Variants in CSMD1 observed in about 807,000 individuals in gnomAD.
CSMD1 encodes CUB and sushi domain-containing protein 1.
Under a neutral mutation model 417.5 loss-of-function variants are expected in CSMD1, and 213 were observed. The ratio of observed to expected loss-of-function variants is 0.51; its 90% CI spans 0.46 to 0.57. The LOEUF is 0.57. Ranked by LOEUF, CSMD1 falls within the 20% of genes least tolerant of loss-of-function variation. CSMD1 has a pLI of 0.00. For synonymous variants in CSMD1, 2,862 were observed against 1,736.8 expected (o/e 1.65, Z -16.11); for missense variants, 6,923 against 4,529.7 (o/e 1.53, Z -15.17).
chr8:4,289,724 G>A (rs568473654), intron 3 of CSMD1, among the ~76,000 whole-genome samples: 9 of 152,264 alleles, frequency 5.9e-5, no homozygotes, highest in African/African-American at 2.2e-4. Flanking sequence ...CTGAGATTTT[G>A]CTACTGGGTA....
At chr8:4,307,704 G>C (rs750174432) in intron 3 of CSMD1, among the ~76,000 whole-genome samples, 2 of 152,138 alleles carry the variant, frequency 1.3e-5, no homozygotes, top group South Asian at 2.1e-4. Flanking sequence ...CGAACAGCAC[G>C]ATGCTCTTGA....
chr8:4,044,838 G>T (rs145163006), intron 3 of CSMD1, among the ~76,000 whole-genome samples: 1 of 117,458 alleles, frequency 8.5e-6, no homozygotes, highest in South Asian at 3.0e-4. Context: ...AGCACCCCAG[G>T]CTTGTACCAT....
chr8:3,005,995 G>A (rs1377748205), intron 52 of CSMD1, among the ~76,000 whole-genome samples: 1 of 152,160 alleles, frequency 6.6e-6, no homozygotes, highest in Non-Finnish European at 1.5e-5. Flanking sequence ...CCTGTTGGCA[G>A]ACGACATGAT....
intron 57 of CSMD1, among the ~76,000 whole-genome samples, chr8:2,968,042 G>A (rs974003868): frequency 4.6e-5 from 7 of 152,288 alleles, no homozygotes; most frequent in Non-Finnish European, 8.8e-5. Context: ...CCTATTAGTA[G>A]TTTCCTGGTT....
At chr8:4,238,708 G>A (rs920524718) in intron 3 of CSMD1, among the ~76,000 whole-genome samples, 1 of 152,054 alleles carries the variant, frequency 6.6e-6, no homozygotes, top group Non-Finnish European at 1.5e-5. Context: ...TAGCTGTTTG[G>A]GGCAGGTCAA....
chr8:3,116,056 T>A (rs1176273886), intron 42 of CSMD1, among the ~76,000 whole-genome samples: 2 of 152,200 alleles, frequency 1.3e-5, no homozygotes, highest in African/African-American at 2.4e-5. Context: ...TAACTGTAAC[T>A]AATAGGCGTT....
At chr8:3,900,334 G>C (rs1312125490) in intron 5 of CSMD1, among the ~76,000 whole-genome samples, 2 of 152,038 alleles carry the variant, frequency 1.3e-5, no homozygotes, top group Non-Finnish European at 2.9e-5. Flanking sequence ...TGACACTACA[G>C]CTGGGTGACA....
In CSMD1 at chr8:4,334,432, G is replaced by C. The variant is rs140141606; in HGVS notation, c.415+85521C>G. On this transcript the variant is annotated intron_variant, in intron 3 of 69. Coordinates refer to ENST00000635120, the MANE Select transcript of CSMD1 (RefSeq NM_033225.6). ...AGCAAATACTGAGGTTTTCCAAAGA[G>C]ATTCTTTCTCAAGACTGCAACATCA... Among the ~76,000 whole-genome samples, 547 of 152,222 alleles carry C rather than the reference G, an allele frequency of 3.6e-3. 3 individuals carry two copies. Among genetic ancestry groups the C allele is most frequent in the African/African-American group, 0.013 (527 of 41,554 alleles).
chr8:4,589,582 T>C (rs935287938), intron 2 of CSMD1, among the ~76,000 whole-genome samples: 8 of 152,212 alleles, frequency 5.3e-5, no homozygotes, highest in African/African-American at 1.9e-4. Flanking sequence ...TGGGACTTGC[T>C]TGCATTATTA....
At position 3,866,329 on chromosome 8, in the gene CSMD1, G is replaced by C. The variant is rs1252837307; in HGVS notation, c.819-112287C>G. Among the ~76,000 whole-genome samples the C allele has an allele frequency of 3.9e-5, 6 of 152,062 alleles. No homozygotes were observed. In the East Asian group the frequency reaches 5.8e-4, roughly 15 times the overall value. On this transcript the variant is annotated intron_variant, in intron 5 of 69. Transcript: ENST00000635120. ...CTGTAAAAGGCTGGCTGAACCCTGG[G>C]GATTGGCATTTCTGTCCTTTTACTG...
At position 4,033,124 on chromosome 8, in the gene CSMD1, C is replaced by T. The variant is rs1380515116; in HGVS notation, c.416-1025G>A. Among the ~76,000 whole-genome samples, 4 of 86,584 alleles carry T rather than the reference C, an allele frequency of 4.6e-5. No individual in the cohort carries two copies. The East Asian group carries it at 1.5e-3, about 31-fold the overall frequency. 56.8% of individuals were successfully genotyped at this position (86,584 alleles called of 152,430 possible). On this transcript the variant is annotated intron_variant, in intron 3 of 69. Transcript: ENST00000635120. ...TAACTTAACTCTTGCAATTAATTTCCAATATGAAAAAAAAAAAAAAAAAAA... is the reference window on the plus strand; with the variant it reads ...TAACTTAACTCTTGCAATTAATTTCTAATATGAAAAAAAAAAAAAAAAAAA...
intron 3 of CSMD1, among the ~76,000 whole-genome samples, chr8:4,037,921 GA>G (rs1224863178): frequency 6.6e-6 from 1 of 151,956 alleles, no homozygotes; most frequent in East Asian, 1.9e-4. Flanking sequence ...GTGGGAATAG[GA>G]AAAAAAGTTT....
intron 1 of CSMD1, among the ~76,000 whole-genome samples, chr8:4,867,736 G>C (rs764352731): frequency 1.3e-5 from 2 of 152,096 alleles, no homozygotes; most frequent in Non-Finnish European, 1.5e-5. Context: ...TGCCGTATTA[G>C]TATTCAATGC....
At chr8:3,104,150 G>A (rs1362478865) in intron 46 of CSMD1, among the ~76,000 whole-genome samples, 1 of 152,106 alleles carries the variant, frequency 6.6e-6, no homozygotes, top group South Asian at 2.1e-4. Flanking sequence ...GAAACTTGAG[G>A]CTTTGTTTGT....
chr8:4,537,372 A>C (rs890738288), intron 2 of CSMD1, among the ~76,000 whole-genome samples: 3 of 152,160 alleles, frequency 2.0e-5, no homozygotes, highest in Non-Finnish European at 4.4e-5. Flanking sequence ...AGTTGTGCTA[A>C]TTCTGTAGGG....
chr8:3,770,562 A>G (rs1008500304), intron 5 of CSMD1, among the ~76,000 whole-genome samples: 1 of 152,120 alleles, frequency 6.6e-6, no homozygotes, highest in African/African-American at 2.4e-5. Context: ...AAGAAAGAAC[A>G]TAATAGGAAC....
intron 1 of CSMD1, among the ~76,000 whole-genome samples, chr8:4,907,979 A>T (rs1230492986): frequency 6.6e-6 from 1 of 152,176 alleles, no homozygotes; most frequent in Non-Finnish European, 1.5e-5. Context: ...ATAGGCATAG[A>T]TATTCTAATA....
intron 21 of CSMD1, among the ~76,000 whole-genome samples, chr8:3,350,532 A>G (rs556032917): frequency 1.6e-4 from 25 of 152,156 alleles, no homozygotes; most frequent in Admixed American, 5.2e-4. Context: ...CCTAAATAAC[A>G]CTTACATGTA....
intron 3 of CSMD1, among the ~76,000 whole-genome samples, chr8:4,339,991 T>G (rs945375444): frequency 3.3e-5 from 5 of 152,042 alleles, no homozygotes; most frequent in African/African-American, 1.2e-4. Flanking sequence ...AACACTGCAG[T>G]CCAGCCTGGA....
Sources: gnomAD v4.1 joint callset for allele counts (sites outside exome capture counted in the v4.1 genomes callset) on GRCh38, gnomAD v4.1.1 for gene constraint, MANE v1.5 for transcripts, NCBI Gene and HGNC (gene_info 2026-07-23, HGNC 2026-07-21) for gene names.